KLRG1: variants seen among roughly 807,000 people sequenced by gnomAD.
KLRG1 encodes the protein killer cell lectin-like receptor subfamily G member 1.
In KLRG1, 16 loss-of-function variants were observed where a neutral mutation model predicts 21.8. The observed-to-expected ratio is 0.73, with a 90% CI of 0.50 to 1.11. KLRG1 has a LOEUF of 1.11. KLRG1 is among the 50% of genes most tolerant of loss of function. The pLI is 0.00. For missense variants in KLRG1, 173 were observed against 218.3 expected, an observed-to-expected ratio of 0.79 and a Z score of 1.31; for synonymous variants, 69 against 75.9, an observed-to-expected ratio of 0.91 and a Z score of 0.47.
At chr12:9,207,721 A>G in the KLRG1 span, among the ~76,000 whole-genome samples, 34 of 152,320 alleles carry the variant, frequency 2.2e-4, 1 homozygote, top group Admixed American at 1.2e-3. Flanking sequence ...ACAGTTCTCT[A>G]GACACTATAG....
the KLRG1 span, chr12:9,193,929 A>T: frequency 2.6e-6 from 2 of 758,712 alleles, no homozygotes; most frequent in Non-Finnish European, 3.9e-6. Context: ...ATTGTTTTTC[A>T]TGAAATTCTA....
At chr12:9,204,759 C>G in the KLRG1 span, among the ~76,000 whole-genome samples, 3 of 152,066 alleles carry the variant, frequency 2.0e-5, no homozygotes, top group East Asian at 3.9e-4. Context: ...ATGTTTGTTT[C>G]GAATCACATG....
At chr12:9,146,396 T>G in the KLRG1 span, among the ~76,000 whole-genome samples, 1 of 152,136 alleles carries the variant, frequency 6.6e-6, no homozygotes, top group South Asian at 2.1e-4. Context: ...GTGGTTTTGT[T>G]GAAATTCTCA....
rs145275351 is a variant in KLRG1, at chr12:8,982,369, C to T, written c.-155-9837C>T. Among the ~76,000 whole-genome samples the T allele has an allele frequency of 3.5e-3, 530 of 152,290 alleles. 3 individuals are homozygous for T. The highest frequency in any genetic ancestry group is 0.011 in the African/African-American group (469 of 41,566). On this transcript the variant is annotated intron_variant, in intron 1 of 4. Transcript: ENST00000539240. ...TCCTTCTGGAGGCTTTAGAGGAGAA[C>T]ATTTCCTTGACTTTCCCAGAAGGAA...
At chr12:9,167,893 G>A in the KLRG1 span, among the ~76,000 whole-genome samples, 19 of 151,572 alleles carry the variant, frequency 1.3e-4, no homozygotes, top group East Asian at 7.7e-4. Flanking sequence ...CTTTATTCTC[G>A]TTATTTATAT....
At chr12:9,124,422 C>T in the KLRG1 span, among the ~76,000 whole-genome samples, 1 of 152,104 alleles carries the variant, frequency 6.6e-6, no homozygotes, top group Non-Finnish European at 1.5e-5. Context: ...TGGATCTGAG[C>T]CTCCCTGTGC....
the KLRG1 span, among the ~76,000 whole-genome samples, chr12:9,211,314 CT>C: frequency 8.6e-5 from 13 of 151,772 alleles, no homozygotes; most frequent in South Asian, 2.1e-3. Context: ...CTTTTTTCAC[CT>C]TTAATTAACT....
intron 1 of KLRG1, among the ~76,000 whole-genome samples, chr12:8,955,927 A>G (rs1229626947): frequency 6.6e-6 from 1 of 152,000 alleles, no homozygotes; most frequent in African/African-American, 2.4e-5. Flanking sequence ...CTTTTAGCCA[A>G]TCAAATGGTG....
At chr12:9,198,978 CAGTTTTGCTTCTTCAGGTTAAA>C in the KLRG1 span, among the ~76,000 whole-genome samples, 43 of 152,266 alleles carry the variant, frequency 2.8e-4, no homozygotes, top group African/African-American at 8.9e-4. Context: ...TGTAGGCTAT[CAGTTTTGCTTCTTCAGGTTAAA>C]AGGAACTGTA....
At chr12:8,979,327 T>G (rs1343963292) in intron 1 of KLRG1, among the ~76,000 whole-genome samples, 2 of 152,180 alleles carry the variant, frequency 1.3e-5, no homozygotes, top group Non-Finnish European at 2.9e-5. Context: ...CTGTCCTTCA[T>G]TTTTAAAAGA....
At chr12:9,203,423 A>G in the KLRG1 span, among the ~76,000 whole-genome samples, 3 of 147,714 alleles carry the variant, frequency 2.0e-5, no homozygotes, top group Admixed American at 2.1e-4. Context: ...CTCACTGCAA[A>G]CTTCGCCTCC....
chr12:9,031,870 G>T, the KLRG1 span, among the ~76,000 whole-genome samples: 2 of 152,206 alleles, frequency 1.3e-5, no homozygotes, highest in Non-Finnish European at 2.9e-5. Context: ...TCCTAGTGCT[G>T]CCCTGACAAA....
the KLRG1 span, chr12:9,104,154 A>G: frequency 7.3e-7 from 1 of 1,376,038 alleles, no homozygotes; most frequent in Non-Finnish European, 9.9e-7. Flanking sequence ...AGAACTAGAC[A>G]CAGTTTGGAA....
intron 2 of KLRG1, among the ~76,000 whole-genome samples, chr12:8,994,318 G>A (rs1019915510): frequency 6.6e-6 from 1 of 151,934 alleles, no homozygotes; most frequent in East Asian, 1.9e-4. Context: ...CACCTGCCTC[G>A]GCCTCCCAAA....
At chr12:9,019,934 A>G in the KLRG1 span, among the ~76,000 whole-genome samples, 2 of 152,094 alleles carry the variant, frequency 1.3e-5, no homozygotes, top group Non-Finnish European at 2.9e-5. Context: ...CTCTGTTAAC[A>G]AAGTGTATTC....
the KLRG1 span, among the ~76,000 whole-genome samples, chr12:9,198,820 C>T: frequency 4.3e-4 from 65 of 152,276 alleles, no homozygotes; most frequent in Middle Eastern, 6.8e-3. Flanking sequence ...ATCTGCACTA[C>T]GGCACTATTA....
the KLRG1 span, among the ~76,000 whole-genome samples, chr12:9,209,261 C>T: frequency 2.0e-5 from 3 of 152,080 alleles, no homozygotes; most frequent in African/African-American, 7.2e-5. Flanking sequence ...TTTAAATCAA[C>T]TTTCTTTCTC....
the KLRG1 span, among the ~76,000 whole-genome samples, chr12:9,041,319 G>A: frequency 3.9e-5 from 6 of 152,268 alleles, no homozygotes; most frequent in South Asian, 2.1e-4. Context: ...TGGCGAAAGC[G>A]TGAAACTCCA....
chr12:9,209,646 A>C, the KLRG1 span, among the ~76,000 whole-genome samples: 1 of 152,114 alleles, frequency 6.6e-6, no homozygotes, highest in African/African-American at 2.4e-5. Flanking sequence ...AAATAAATCA[A>C]GACAAATATG....
Sources: gnomAD v4.1 joint callset for allele counts (sites outside exome capture counted in the v4.1 genomes callset) on GRCh38, gnomAD v4.1.1 for gene constraint, MANE v1.5 for transcripts, NCBI Gene and HGNC (gene_info 2026-07-23, HGNC 2026-07-21) for gene names.